The following IPO7 variants were observed in gnomAD, a reference collection of about 807,000 sequenced individuals.
IPO7 encodes importin 7, also known as importin-7.
A neutral mutation model predicts 136.4 loss-of-function variants in IPO7; 13 were observed. The ratio of observed to expected loss-of-function variants is 0.10; its 90% CI spans 0.06 to 0.15. IPO7 has a LOEUF of 0.15. IPO7 is among the 10% of genes least tolerant of loss of function. The pLI is 1.00. For missense variants in IPO7, 857 were observed against 1,240.6 expected, an observed-to-expected ratio of 0.69 and a Z score of 4.65; for synonymous variants, 403 against 404.4, an observed-to-expected ratio of 1.00 and a Z score of 0.04.
In IPO7 at chr11:9,414,359, A is replaced by T; in HGVS notation, c.584A>T (p.Gln195Leu). Residue 195 changes from glutamine to leucine, a missense_variant, in exon 5 of 25, where the codon CAG becomes CTG. This residue lies in a region of IPO7 where 287 missense variants were observed against 307.5 expected (regional missense o/e 0.93). Coordinates refer to ENST00000379719, the MANE Select transcript of IPO7 (RefSeq NM_006391.3). Reference protein sequence around the residue: ...FIQLLSDQSDQSVLIQKQIFK... With the variant: ...FIQLLSDQSDLSVLIQKQIFK... ...CAGCTTCTTTCTGACCAGTCTGATC[A>T]GTCTGTCCTCATCCAGAAACAGATA... 6.2e-7 allele frequency: 1 copy of T among 1,612,176 alleles called. No individual in the cohort carries two copies. The highest frequency in any genetic ancestry group is 8.5e-7 in the Non-Finnish European group (1 of 1,178,546).
chr11:9,437,616 G>A lies in IPO7; in HGVS notation c.2269-138G>A, dbSNP rs1447891518. On this transcript the variant is annotated intron_variant, in intron 20 of 24. Coordinates refer to ENST00000379719, the MANE Select transcript of IPO7 (RefSeq NM_006391.3). ...ACTTTCTCTAAAATTAGATTTCCCAGTGCAGTGCCTCAGCAGTAAATATTG... is the reference window on the plus strand; with the variant it reads ...ACTTTCTCTAAAATTAGATTTCCCAATGCAGTGCCTCAGCAGTAAATATTG... The A allele has an allele frequency of 9.1e-6, 6 of 657,544 alleles. No individual in the cohort carries two copies. In the African/African-American group the frequency reaches 1.1e-4, roughly 12 times the overall value. The allele number at this position is 657,544 out of a possible 1,614,324, so 40.7% of individuals were successfully genotyped here.
chr11:9,438,927 T>C (rs940005704), intron 22 of IPO7, among the ~76,000 whole-genome samples: 1 of 131,820 alleles, frequency 7.6e-6, no homozygotes, highest in African/African-American at 2.6e-5. Flanking sequence ...CAAATAATTA[T>C]GTATATAATA....
intron 16 of IPO7, 46 bp downstream of exon 16, chr11:9,431,049 T>A (rs747132579): frequency 6.5e-7 from 1 of 1,534,600 alleles, no homozygotes; most frequent in South Asian, 1.1e-5. Context: ...CATTTTATGC[T>A]TTTTAGAGGG....
In IPO7 at chr11:9,430,947, A is replaced by T; in HGVS notation, c.1825A>T (p.Met609Leu). The T allele has an allele frequency of 6.2e-7, 1 of 1,607,818 alleles. No homozygotes were observed. Among genetic ancestry groups the T allele is most frequent in the Non-Finnish European group, 8.5e-7 (1 of 1,174,374 alleles). Residue 609 changes from methionine (M) to leucine (L), a missense_variant, in exon 16 of 25, where the codon ATG becomes TTG. Physicochemically the swap from Met to Leu is conservative, Grantham distance 15. Around this residue, in one of 11 missense-constraint regions of IPO7, gnomAD observed 58 missense variants for 122.1 expected, o/e 0.47. Transcript: ENST00000379719. ...TAGTGATGACAAAGCAGTTACTGCT[A>T]TGGGAATTCTGAATACAATTGATAC... The part of the protein sequence containing the change: ...EGSDDKAVTA[M>L]GILNTIDTLL...
intron 20 of IPO7, among the ~76,000 whole-genome samples, chr11:9,437,020 G>C (rs1466094285): frequency 6.7e-6 from 1 of 148,362 alleles, no homozygotes; most frequent in Non-Finnish European, 1.5e-5. Context: ...GAGTAGATGG[G>C]ATTATAGGTG....
chr11:9,408,803 C>A (rs1053722455), intron 3 of IPO7, among the ~76,000 whole-genome samples, 164 bp downstream of exon 3: 5 of 150,206 alleles, frequency 3.3e-5, no homozygotes, highest in Admixed American at 6.6e-5. Flanking sequence ...CCTCCGCCTC[C>A]CAGGTTCAAG....
rs1855409194 is a variant in IPO7, at chr11:9,438,122, T to C, written c.2532T>C (p.Leu844=). ...TGTGTGTTCTCGGACTCTGTGCTCT[T>C]ATTGATATGGAACAGATACCCCAAG... ...RKMCVLGLCA[L]IDMEQIPQVL... is the part of the protein sequence containing the mutation. Residue 844 remains leucine, a synonymous_variant, in exon 22 of 25, where the codon CTT becomes CTC. Coordinates refer to ENST00000379719, the MANE Select transcript of IPO7 (RefSeq NM_006391.3). 3 of 1,608,634 alleles carry C rather than the reference T, an allele frequency of 1.9e-6. No homozygotes were observed. Among genetic ancestry groups the C allele is most frequent in the Non-Finnish European group, 2.5e-6 (3 of 1,178,746 alleles).
chr11:9,409,840 T>G, intron 3 of IPO7, 88 bp from the exon 4 acceptor site: 1 of 950,990 alleles, frequency 1.1e-6, no homozygotes, highest in South Asian at 2.5e-5. Context: ...AAATTAGATT[T>G]TGTCTAAACA....
At chr11:9,439,868 C>T (rs773327434) in intron 22 of IPO7, among the ~76,000 whole-genome samples, 27 of 152,144 alleles carry the variant, frequency 1.8e-4, no homozygotes, top group South Asian at 8.3e-4. Context: ...CCACCGCGCC[C>T]GGCGAATTAT....
chr11:9,410,048 A>G lies in IPO7; in HGVS notation c.441A>G (p.Gly147=), dbSNP rs764265053. The change falls in exon 4 of 25, where the codon GGA becomes GGG. Residue 147 remains glycine, a synonymous_variant. Coordinates refer to ENST00000379719, the MANE Select transcript of IPO7 (RefSeq NM_006391.3). ...CCGATAACAGTGCTTGTTGGCTAGGAATTCTTCTTTGCCTTTATCAGCTTG... is the reference window on the plus strand; with the variant it reads ...CCGATAACAGTGCTTGTTGGCTAGGGATTCTTCTTTGCCTTTATCAGCTTG... The part of the protein sequence containing the change: ...LQSDNSACWL[G]ILLCLYQLVK... 6.2e-7 allele frequency: 1 copy of G among 1,603,952 alleles called. No homozygotes were observed. Among genetic ancestry groups the G allele is most frequent in the Non-Finnish European group, 8.5e-7 (1 of 1,176,282 alleles).
chr11:9,384,854 A>G lies in IPO7; in HGVS notation c.84+7A>G. The G allele has an allele frequency of 1.3e-6, 2 of 1,588,910 alleles. No homozygotes were observed. The highest frequency in any genetic ancestry group is 1.7e-6 in the Non-Finnish European group (2 of 1,167,562). Reference sequence around the variant, plus strand: ...GGAGCGCCAGCTCAATGAAGTAAGGACGCCCGGCTAGCGGTGGCGGCGGGC... The same window carrying G: ...GGAGCGCCAGCTCAATGAAGTAAGGGCGCCCGGCTAGCGGTGGCGGCGGGC... On this transcript the variant is annotated splice_region_variant and intron_variant, in intron 1 of 24. Coordinates refer to ENST00000379719, the MANE Select transcript of IPO7 (RefSeq NM_006391.3).
chr11:9,393,185 T>C (rs767254649), intron 1 of IPO7, among the ~76,000 whole-genome samples: 3 of 152,162 alleles, frequency 2.0e-5, no homozygotes, highest in African/African-American at 7.2e-5. Context: ...GATATTCTTC[T>C]GCAGGCAGGT....
chr11:9,396,507 C>A (rs950308447), intron 1 of IPO7, among the ~76,000 whole-genome samples: 2 of 152,212 alleles, frequency 1.3e-5, no homozygotes, highest in Non-Finnish European at 2.9e-5. Flanking sequence ...GTTGTACAGC[C>A]ATCACCCAAT....
chr11:9,443,609 A>T (rs965808374), intron 24 of IPO7, among the ~76,000 whole-genome samples: 3 of 147,130 alleles, frequency 2.0e-5, no homozygotes, highest in African/African-American at 7.6e-5. Flanking sequence ...AAAAAAAAAA[A>T]TTTAAACACT....
At position 9,438,269 on chromosome 11, in the gene IPO7, AGAT is replaced by A; in HGVS notation, c.2688_2690del (p.Asp896del). The A allele has an allele frequency of 6.4e-7, 1 of 1,555,304 alleles. No homozygotes were observed. The highest frequency in any genetic ancestry group is 8.9e-7 in the Non-Finnish European group (1 of 1,128,500). On this transcript the variant is annotated inframe_deletion, in exon 22 of 25. Transcript: ENST00000379719. Reference sequence around the variant, plus strand: ...ACAGTGATGATGATGATGAAGCTGAAGATGATGATGAAACCGGTAAGGGATTTT... The same window carrying A: ...ACAGTGATGATGATGATGAAGCTGAAGATGATGAAACCGGTAAGGGATTTT...
chr11:9,384,956 G>A lies in IPO7; in HGVS notation c.84+109G>A, dbSNP rs184200326. 649 of 793,244 alleles carry A rather than the reference G, an allele frequency of 8.2e-4. 5 individuals are homozygous for A. In the African/African-American group the frequency reaches 0.011, roughly 13 times the overall value. 49.1% of individuals were successfully genotyped at this position (793,244 alleles called of 1,614,324 possible). On this transcript the variant is annotated intron_variant, in intron 1 of 24. Coordinates refer to ENST00000379719, the MANE Select transcript of IPO7 (RefSeq NM_006391.3). ...GCGGACGACGTCGTTGAGGGTCCCAGCAGGAGGGTGGGGCGGACATCTGAC... is the reference window on the plus strand; with the variant it reads ...GCGGACGACGTCGTTGAGGGTCCCAACAGGAGGGTGGGGCGGACATCTGAC...
At chr11:9,419,559 A>AATAT (rs1244588095) in intron 6 of IPO7, among the ~76,000 whole-genome samples, 2,425 of 116,704 alleles carry the variant, frequency 0.021, 140 homozygotes, top group African/African-American at 0.077. Flanking sequence ...AAAAAAAAAA[A>AATAT]ATATATATAT....
At chr11:9,432,965 A>G (rs1197814719) in intron 16 of IPO7, among the ~76,000 whole-genome samples, 2 of 148,842 alleles carry the variant, frequency 1.3e-5, no homozygotes, top group Admixed American at 1.4e-4. Flanking sequence ...ATTTGCACAT[A>G]ACAGATGGGC....
At chr11:9,411,351 G>A (rs773701416) in intron 4 of IPO7, among the ~76,000 whole-genome samples, 1 of 152,166 alleles carries the variant, frequency 6.6e-6, no homozygotes, top group South Asian at 2.1e-4. Flanking sequence ...AATTTTTGGT[G>A]GTCCTCAGGA....
Sources: allele counts gnomAD v4.1 joint callset (sites outside exome capture counted in the v4.1 genomes callset), GRCh38; gene constraint gnomAD v4.1.1; regional missense constraint gnomAD v4.1.1; transcripts MANE v1.5; gene names NCBI Gene and HGNC (gene_info 2026-07-23, HGNC 2026-07-21).